The following TTLL11 variants were observed in gnomAD, a reference collection of about 807,000 sequenced individuals.
TTLL11 encodes tubulin polyglutamylase TTLL11.
In TTLL11, 42 loss-of-function variants were observed where a neutral mutation model predicts 51.7. The observed-to-expected ratio is 0.81, with a 90% CI of 0.64 to 1.05. TTLL11 has a LOEUF of 1.05. Ranked by LOEUF, TTLL11 falls within the 50% of genes least tolerant of loss-of-function variation. The pLI is 0.00. For missense variants in TTLL11, 799 were observed against 940.4 expected (o/e 0.85, Z 1.97); for synonymous variants, 381 against 383.5 (o/e 0.99, Z 0.08).
intron 6 of TTLL11, chr9:121,885,608 C>A (rs1239062326): frequency 6.6e-6 from 1 of 152,198 alleles, no homozygotes; most frequent in Non-Finnish European, 1.5e-5. Flanking sequence ...ATAATTTGCC[C>A]AAGGTCATCC....
At chr9:121,914,010 T>C (rs1840234236) in intron 6 of TTLL11, among the ~76,000 whole-genome samples, 1 of 152,170 alleles carries the variant, frequency 6.6e-6, no homozygotes, top group South Asian at 2.1e-4. Flanking sequence ...GCAATTACCA[T>C]CCCCACTTTC....
intron 8 of TTLL11, among the ~76,000 whole-genome samples, chr9:121,841,796 G>A (rs116358903): frequency 0.014 from 2,116 of 152,020 alleles, 55 homozygotes; most frequent in African/African-American, 0.049. Flanking sequence ...AGCAGCCGTC[G>A]GCTTGACCCA....
At position 121,976,427 on chromosome 9, in the gene TTLL11, C is replaced by T. The variant is rs1842710413; in HGVS notation, c.1270-1448G>A. Among the ~76,000 whole-genome samples, 3 of 152,262 alleles carry T rather than the reference C, an allele frequency of 2.0e-5. 1 individual carries two copies. The South Asian group carries it at 6.2e-4, about 32-fold the overall frequency. Reference sequence around the variant, plus strand: ...TTCTGATTCAGACGACAAGGACTTTCGATTTTCCAGAGGACTCTCATTATG... The same window carrying T: ...TTCTGATTCAGACGACAAGGACTTTTGATTTTCCAGAGGACTCTCATTATG... On this transcript the variant is annotated intron_variant, in intron 4 of 8. Transcript: ENST00000321582.
chr9:121,981,363 A>G (rs7035920), intron 4 of TTLL11, among the ~76,000 whole-genome samples: 56,256 of 151,874 alleles, frequency 0.37, 11,104 homozygotes, highest in African/African-American at 0.48. Context: ...TGATATTTTC[A>G]TCTCAGAGAT....
intron 6 of TTLL11, among the ~76,000 whole-genome samples, chr9:121,887,907 C>G (rs2131433888): frequency 6.6e-6 from 1 of 152,220 alleles, no homozygotes; most frequent in Middle Eastern, 3.4e-3. Context: ...CCTGGGGGCC[C>G]CCAGGCAACC....
At chr9:121,952,920 CTT>C (rs1210180058) in intron 6 of TTLL11, among the ~76,000 whole-genome samples, 3 of 152,148 alleles carry the variant, frequency 2.0e-5, no homozygotes, top group Non-Finnish European at 4.4e-5. Context: ...CCCTTATCCT[CTT>C]TATTTCTTTA....
intron 6 of TTLL11, among the ~76,000 whole-genome samples, chr9:121,954,678 G>GCACGCA (rs1554773861): frequency 6.7e-6 from 1 of 149,302 alleles, no homozygotes; most frequent in Non-Finnish European, 1.5e-5. Context: ...ACACACAGAC[G>GCACGCA]CACACACACA....
chr9:122,007,562 T>C (rs1020067224), intron 3 of TTLL11, among the ~76,000 whole-genome samples: 1 of 148,820 alleles, frequency 6.7e-6, no homozygotes, highest in African/African-American at 2.5e-5. Context: ...AGCATCAAAA[T>C]AGATATTGAT....
At chr9:121,874,206 T>A (rs1044862562) in intron 6 of TTLL11, among the ~76,000 whole-genome samples, 1 of 152,156 alleles carries the variant, frequency 6.6e-6, no homozygotes, top group African/African-American at 2.4e-5. Context: ...TCTCGCTACA[T>A]TGATCAGGCT....
At chr9:121,904,126 A>T (rs1839854654) in intron 6 of TTLL11, among the ~76,000 whole-genome samples, 1 of 151,794 alleles carries the variant, frequency 6.6e-6, no homozygotes, top group African/African-American at 2.4e-5. Flanking sequence ...CTATTTCCAC[A>T]TTTCATAATG....
chr9:121,967,495 T>C (rs1588162458), intron 6 of TTLL11, among the ~76,000 whole-genome samples: 3 of 152,250 alleles, frequency 2.0e-5, no homozygotes, highest in East Asian at 3.9e-4. Flanking sequence ...GGTTCTGGGA[T>C]TACAGGCGTG....
chr9:121,815,904 C>A lies in TTLL11; in HGVS notation c.*6683G>T, dbSNP rs1391336669. 6.6e-6 allele frequency: 1 copy of A among 152,228 alleles called. No individual in the cohort carries two copies. The highest frequency in any genetic ancestry group is 1.5e-5 in the Non-Finnish European group (1 of 68,048). The allele number at this position is 152,228 out of a possible 1,614,324, so 9.4% of individuals were successfully genotyped here. A position where few individuals can be genotyped will look rare whatever the true frequency, so the allele number is the denominator to read the frequency against. The stretch of plus-strand genomic sequence containing the variant: ...GAGCACGTGGGGCCTCTCACCAGAC[C>A]TCCAGGAGCCTCCGCTGTCAGGGGC... On this transcript the variant is annotated 3_prime_UTR_variant, in exon 9 of 9. Coordinates refer to ENST00000321582, the MANE Select transcript of TTLL11 (RefSeq NM_001139442.2).
chr9:121,984,724 G>A (rs1230157596), intron 4 of TTLL11, among the ~76,000 whole-genome samples: 1 of 152,188 alleles, frequency 6.6e-6, no homozygotes, highest in Non-Finnish European at 1.5e-5. Flanking sequence ...CTAAGCAAAA[G>A]GATCATGGCC....
intron 6 of TTLL11, among the ~76,000 whole-genome samples, chr9:121,971,591 G>T (rs1176146531): frequency 7.1e-6 from 1 of 141,090 alleles, no homozygotes; most frequent in African/African-American, 2.5e-5. Context: ...CATTGAGAAC[G>T]GGCCAGGATG....
intron 8 of TTLL11, among the ~76,000 whole-genome samples, chr9:121,825,089 G>T (rs916010983): frequency 1.3e-5 from 2 of 152,194 alleles, no homozygotes; most frequent in African/African-American, 4.8e-5. Flanking sequence ...GTAAACAGCG[G>T]CCTGGGATGG....
intron 1 of TTLL11, among the ~76,000 whole-genome samples, chr9:122,082,359 A>T (rs939697108): frequency 6.6e-6 from 1 of 152,084 alleles, no homozygotes; most frequent in African/African-American, 2.4e-5. Flanking sequence ...CAAAACAGCT[A>T]GACATAGTGG....
At chr9:121,904,094 G>A (rs1263823595) in intron 6 of TTLL11, among the ~76,000 whole-genome samples, 2 of 152,104 alleles carry the variant, frequency 1.3e-5, no homozygotes, top group African/African-American at 2.4e-5. Context: ...ACAGCATTTG[G>A]AGAAAATACT....
At chr9:122,017,159 G>T (rs1844012325) in intron 3 of TTLL11, among the ~76,000 whole-genome samples, 1 of 152,068 alleles carries the variant, frequency 6.6e-6, no homozygotes, top group African/African-American at 2.4e-5. Context: ...TCCTGTTGTT[G>T]CCAGGAACCA....
chr9:122,082,041 A>T (rs547356117), intron 1 of TTLL11, among the ~76,000 whole-genome samples: 2 of 152,366 alleles, frequency 1.3e-5, no homozygotes, highest in Non-Finnish European at 2.9e-5. Context: ...GCAAAGATAC[A>T]CAAGATGAAT....
Sources: allele counts gnomAD v4.1 joint callset (sites outside exome capture counted in the v4.1 genomes callset), GRCh38; gene constraint gnomAD v4.1.1; transcripts MANE v1.5; gene names NCBI Gene and HGNC (gene_info 2026-07-23, HGNC 2026-07-21).